LANCL3: variants seen among roughly 807,000 people sequenced by gnomAD.
LANCL3 encodes the protein LanC like family member 3, also known as lanC-like protein 3.
LANCL3 carries 19 observed loss-of-function variants against 26.5 expected under a neutral mutation model. The observed-to-expected ratio is 0.72, with a 90% confidence interval of 0.50 to 1.05. The LOEUF is 1.05. LANCL3 is among the 50% of genes least tolerant of loss of function. The pLI is 0.00. For missense variants in LANCL3, 318 were observed against 362.7 expected, an observed-to-expected ratio of 0.88 and a Z score of 1.00; for synonymous variants, 160 against 166.6, an observed-to-expected ratio of 0.96 and a Z score of 0.30.
chrX:37,630,264 T>G (rs1225703617), intron 1 of LANCL3, among the ~76,000 whole-genome samples: 1 of 111,737 alleles, frequency 8.9e-6, no homozygotes, highest in East Asian at 2.8e-4. Context: ...CTGTTATTGG[T>G]GTATAAGAAT....
At chrX:37,640,202 G>C in intron 1 of LANCL3, among the ~76,000 whole-genome samples, 1 of 112,255 alleles carries the variant, frequency 8.9e-6, no homozygotes, top group Non-Finnish European at 1.9e-5. Context: ...ATTTGAGACT[G>C]TGTAATTTAT....
intron 1 of LANCL3, among the ~76,000 whole-genome samples, chrX:37,575,560 T>C (rs782413307): frequency 8.9e-6 from 1 of 112,196 alleles, no homozygotes; most frequent in African/African-American, 3.2e-5. Flanking sequence ...TGCCAAAGTT[T>C]CAGTAAATAT....
At chrX:37,647,268 C>A (rs1303211755) in intron 1 of LANCL3, among the ~76,000 whole-genome samples, 1 of 110,492 alleles carries the variant, frequency 9.1e-6, no homozygotes, top group African/African-American at 3.3e-5. Context: ...GAGCTGAGAT[C>A]ATGCCACTGC....
intron 4 of LANCL3, among the ~76,000 whole-genome samples, chrX:37,669,323 C>G (rs184890293): frequency 6.3e-5 from 7 of 111,295 alleles, no homozygotes; most frequent in Non-Finnish European, 1.3e-4. Context: ...GCTAGGGCTA[C>G]AGGTTCATGC....
intron 1 of LANCL3, among the ~76,000 whole-genome samples, chrX:37,610,296 A>G (rs781878859): frequency 5.2e-4 from 58 of 111,959 alleles, no homozygotes; most frequent in African/African-American, 1.8e-3. Context: ...AAGAGAATAT[A>G]GCAAAAGTGC....
intron 1 of LANCL3, among the ~76,000 whole-genome samples, chrX:37,589,371 G>T (rs1368972134): frequency 1.8e-5 from 2 of 111,193 alleles, no homozygotes; most frequent in East Asian, 5.7e-4. Context: ...CCAACAAAAT[G>T]CAATTCAAGC....
Position 37,628,689 on chromosome X carries a change from C to T in LANCL3, c.574-26999C>T, listed in dbSNP as rs1322193456. 6.0e-5 allele frequency among the ~76,000 whole-genome samples: 6 copies of T among 100,355 alleles called. No individual in the cohort carries two copies. The South Asian group carries it at 2.0e-3, about 33-fold the overall frequency. 87.1% of individuals were successfully genotyped at this position (100,355 alleles called of 115,157 possible). On this transcript the variant is annotated intron_variant, in intron 1 of 4. Transcript: ENST00000378619. ...TTCAATTCCCACCTATGAGTGAGAA[C>T]ATGTGGTGTTTGGTTTTTTGTCCCT... is the stretch of plus-strand genomic sequence containing the variant.
At chrX:37,592,093 C>T (rs1484118471) in intron 1 of LANCL3, among the ~76,000 whole-genome samples, 3 of 111,624 alleles carry the variant, frequency 2.7e-5, no homozygotes, top group Admixed American at 9.5e-5. Context: ...GAATTGTGGG[C>T]GCCTCCCTCC....
chrX:37,583,023 C>A (rs138051494), intron 1 of LANCL3, among the ~76,000 whole-genome samples: 2 of 111,712 alleles, frequency 1.8e-5, no homozygotes, highest in African/African-American at 6.5e-5. Context: ...CCAGTTTCAC[C>A]TTTCTACATA....
At chrX:37,615,047 T>C (rs886876308) in intron 1 of LANCL3, among the ~76,000 whole-genome samples, 26 of 112,163 alleles carry the variant, frequency 2.3e-4, no homozygotes, top group African/African-American at 8.1e-4. Context: ...ATCCCCATTT[T>C]ACGGTGAAGA....
intron 2 of LANCL3, among the ~76,000 whole-genome samples, chrX:37,656,247 CAA>C (rs781921541): frequency 1.5e-4 from 13 of 85,028 alleles, no homozygotes; most frequent in Admixed American, 2.6e-4. Flanking sequence ...CTGGGCCATG[CAA>C]AAAAAAAAAA....
chrX:37,582,336 T>G (rs1556417155), intron 1 of LANCL3, among the ~76,000 whole-genome samples: 1 of 112,087 alleles, frequency 8.9e-6, no homozygotes, highest in Admixed American at 9.4e-5. Context: ...TTTCTAGTTC[T>G]AGATCCCTGA....
chrX:37,612,028 C>T (rs1436836332), intron 1 of LANCL3, among the ~76,000 whole-genome samples: 2 of 110,742 alleles, frequency 1.8e-5, no homozygotes, highest in African/African-American at 3.3e-5. Flanking sequence ...GCAAGCTCCG[C>T]CTCCCGGATT....
At chrX:37,631,309 A>C (rs1268258200) in intron 1 of LANCL3, among the ~76,000 whole-genome samples, 1 of 111,466 alleles carries the variant, frequency 9.0e-6, no homozygotes, top group Non-Finnish European at 1.9e-5. Context: ...CCCCTATATC[A>C]TTTTTTGTTG....
intron 1 of LANCL3, among the ~76,000 whole-genome samples, chrX:37,633,654 A>T (rs1485866850): frequency 9.0e-6 from 1 of 111,071 alleles, no homozygotes; most frequent in East Asian, 2.8e-4. Flanking sequence ...AACAGACAGG[A>T]CCCTCAGCTG....
At chrX:37,664,741 T>C (rs372135652) in intron 3 of LANCL3, among the ~76,000 whole-genome samples, 2 of 111,057 alleles carry the variant, frequency 1.8e-5, no homozygotes, top group Admixed American at 1.9e-4. Flanking sequence ...AAGTAGGCCC[T>C]GGTGTCTATT....
At chrX:37,584,186 T>A (rs1206575361) in intron 1 of LANCL3, among the ~76,000 whole-genome samples, 1 of 111,346 alleles carries the variant, frequency 9.0e-6, no homozygotes, top group Non-Finnish European at 1.9e-5. Flanking sequence ...TCATGGTGGA[T>A]AAGCTTTTTG....
At chrX:37,660,148 A>G (rs1926381495) in intron 3 of LANCL3, among the ~76,000 whole-genome samples, 1 of 111,643 alleles carries the variant, frequency 9.0e-6, no homozygotes, top group African/African-American at 3.3e-5. Flanking sequence ...CCACATTTCA[A>G]GTGCTCAGTA....
intron 1 of LANCL3, among the ~76,000 whole-genome samples, chrX:37,654,849 C>CAG (rs1569469311): frequency 8.9e-6 from 1 of 111,898 alleles, no homozygotes; most frequent in Non-Finnish European, 1.9e-5. Flanking sequence ...TCTAACACAA[C>CAG]AGAGAGAGAT....
Sources: allele counts gnomAD v4.1 joint callset (sites outside exome capture counted in the v4.1 genomes callset), GRCh38; gene constraint gnomAD v4.1.1; transcripts MANE v1.5; gene names NCBI Gene and HGNC (gene_info 2026-07-23, HGNC 2026-07-21).